IGSF21: variants seen among roughly 807,000 people sequenced by gnomAD.
IGSF21 encodes immunoglobulin superfamily member 21.
Under a neutral mutation model 46.8 loss-of-function variants are expected in IGSF21, and 28 were observed. That is an observed-to-expected ratio of 0.60 (90% CI 0.44 to 0.82). IGSF21 has a LOEUF of 0.82. Among genes scored for constraint, IGSF21 ranks in the 40% least tolerant of loss-of-function variants. IGSF21 has a pLI of 0.00. For synonymous variants in IGSF21, 284 were observed against 273.6 expected (o/e 1.04, Z -0.38); for missense variants, 624 against 665.5 (o/e 0.94, Z 0.69).
chr1:18,164,343 T>C (rs1195942404), intron 1 of IGSF21, among the ~76,000 whole-genome samples: 1 of 151,964 alleles, frequency 6.6e-6, no homozygotes. Context: ...GACCCCCTTC[T>C]TTCCTTCCTT....
intron 4 of IGSF21, among the ~76,000 whole-genome samples, chr1:18,357,271 G>A (rs943848680): frequency 1.3e-5 from 2 of 149,908 alleles, no homozygotes; most frequent in South Asian, 2.1e-4. Flanking sequence ...TAAAAACAGG[G>A]AAGGAGATGG....
At chr1:18,178,746 C>T (rs2086828273) in intron 1 of IGSF21, among the ~76,000 whole-genome samples, 1 of 152,088 alleles carries the variant, frequency 6.6e-6, no homozygotes, top group East Asian at 1.9e-4. Context: ...ATGTCATCCC[C>T]CCTTCCCCTT....
At chr1:18,162,795 G>A (rs1211521624) in intron 1 of IGSF21, among the ~76,000 whole-genome samples, 1 of 152,156 alleles carries the variant, frequency 6.6e-6, no homozygotes, top group African/African-American at 2.4e-5. Context: ...CTTTATTAGA[G>A]GGTTTAGCAA....
chr1:18,246,153 G>A (rs970614802), intron 2 of IGSF21, among the ~76,000 whole-genome samples: 2 of 152,136 alleles, frequency 1.3e-5, no homozygotes, highest in Admixed American at 6.5e-5. Context: ...AGCTCTGGGG[G>A]GTGTGAGATG....
chr1:18,123,565 C>T (rs1181029865), intron 1 of IGSF21, among the ~76,000 whole-genome samples: 2 of 152,112 alleles, frequency 1.3e-5, no homozygotes, highest in South Asian at 2.1e-4. Flanking sequence ...GTACCAAGTC[C>T]TAGGGAGAGT....
chr1:18,363,657 A>G (rs12129529), intron 5 of IGSF21, among the ~76,000 whole-genome samples: 20,999 of 124,796 alleles, frequency 0.17, 1,559 homozygotes, highest in African/African-American at 0.26. Context: ...GCACAGATGG[A>G]GCAATGGGCA....
intron 1 of IGSF21, among the ~76,000 whole-genome samples, chr1:18,227,079 G>A (rs771317629): frequency 4.6e-5 from 7 of 152,194 alleles, no homozygotes; most frequent in Non-Finnish European, 1.0e-4. Context: ...AGTAGTCCGG[G>A]AAGCATCACC....
intron 6 of IGSF21, 151 bp from the exon 7 acceptor site, chr1:18,376,159 G>A (rs1448436331): frequency 7.1e-6 from 5 of 703,420 alleles, no homozygotes; most frequent in African/African-American, 1.7e-5. Flanking sequence ...GAATGCAGCT[G>A]TGAATGAGTG....
chr1:18,266,467 C>T (rs760666939), intron 2 of IGSF21, among the ~76,000 whole-genome samples: 2 of 152,214 alleles, frequency 1.3e-5, no homozygotes, highest in African/African-American at 4.8e-5. Flanking sequence ...GCTGTGCACA[C>T]TCATATGTCT....
At chr1:18,239,704 T>C (rs2084706705) in intron 2 of IGSF21, among the ~76,000 whole-genome samples, 1 of 152,002 alleles carries the variant, frequency 6.6e-6, no homozygotes, top group Admixed American at 6.6e-5. Context: ...CCTTCTCCCC[T>C]CCATCTGGTC....
intron 2 of IGSF21, among the ~76,000 whole-genome samples, chr1:18,248,928 A>C (rs780099630): frequency 1.3e-5 from 2 of 152,132 alleles, no homozygotes; most frequent in Non-Finnish European, 2.9e-5. Context: ...TCGAGTGGTC[A>C]AGGTTGGCTT....
chr1:18,126,792 C>T lies in IGSF21; in HGVS notation c.70+18594C>T, dbSNP rs1430101857. On this transcript the variant is annotated intron_variant, in intron 1 of 9. Transcript: ENST00000251296. ...GCTGGCACAGCTGCTGGGCCCAGTCCTGAGGCTTCCTCCCCCCACACCCCC... is the reference window on the plus strand; with the variant it reads ...GCTGGCACAGCTGCTGGGCCCAGTCTTGAGGCTTCCTCCCCCCACACCCCC... Among the ~76,000 whole-genome samples the T allele has an allele frequency of 2.0e-5, 3 of 152,256 alleles. No individual in the cohort carries two copies. In the East Asian group the frequency reaches 5.8e-4, roughly 29 times the overall value.
intron 4 of IGSF21, among the ~76,000 whole-genome samples, chr1:18,350,937 G>T (rs541537332): frequency 8.5e-5 from 13 of 152,070 alleles, no homozygotes; most frequent in African/African-American, 3.1e-4. Context: ...GCCCAGTGGT[G>T]CTGGGAGTGG....
chr1:18,287,427 A>G (rs949466070), intron 2 of IGSF21, among the ~76,000 whole-genome samples: 1 of 152,056 alleles, frequency 6.6e-6, no homozygotes, highest in East Asian at 1.9e-4. Context: ...AACAAAAAAA[A>G]AATCCACCCA....
At chr1:18,252,792 C>A (rs532229235) in intron 2 of IGSF21, among the ~76,000 whole-genome samples, 1 of 152,308 alleles carries the variant, frequency 6.6e-6, no homozygotes, top group East Asian at 1.9e-4. Context: ...GGTTCCAGCC[C>A]ACCTCTGCCA....
intron 1 of IGSF21, chr1:18,112,743 C>CA (rs2086154571): frequency 6.6e-6 from 1 of 152,272 alleles, no homozygotes; most frequent in Non-Finnish European, 1.5e-5. Context: ...GAAATAGAAT[C>CA]ATCCAGGGTG....
chr1:18,210,253 G>A (rs2084375716), intron 1 of IGSF21, among the ~76,000 whole-genome samples: 1 of 152,086 alleles, frequency 6.6e-6, no homozygotes, highest in Non-Finnish European at 1.5e-5. Context: ...CTGGGAAGAG[G>A]GATCCCCCCC....
At position 18,257,632 on chromosome 1, in the gene IGSF21, G is replaced by A. The variant is rs565000856; in HGVS notation, c.183+29622G>A. 4.4e-4 allele frequency among the ~76,000 whole-genome samples: 67 copies of A among 152,268 alleles called. 3 individuals carry two copies. In the South Asian group the frequency reaches 0.013, roughly 31 times the overall value. ...CAACAAACACTTAGCAGTACCCACT[G>A]TGTGGCAAAGGCACCGAGCTACAGC... On this transcript the variant is annotated intron_variant, in intron 2 of 9. Transcript: ENST00000251296.
intron 2 of IGSF21, among the ~76,000 whole-genome samples, chr1:18,258,666 G>T (rs867183567): frequency 6.6e-6 from 1 of 152,176 alleles, no homozygotes; most frequent in African/African-American, 2.4e-5. Flanking sequence ...TCAAAGCTTG[G>T]TCCTTGCGTT....
Sources: allele counts gnomAD v4.1 joint callset (sites outside exome capture counted in the v4.1 genomes callset), GRCh38; gene constraint gnomAD v4.1.1; transcripts MANE v1.5; gene names NCBI Gene and HGNC (gene_info 2026-07-23, HGNC 2026-07-21).